The following AVL9 variants were observed in gnomAD, a reference collection of about 807,000 sequenced individuals.
AVL9 encodes the protein late secretory pathway protein AVL9 homolog.
In AVL9, 49 loss-of-function variants were observed where a neutral mutation model predicts 79.2. The observed-to-expected ratio is 0.62, with a 90% CI of 0.49 to 0.79. The LOEUF (loss-of-function observed/expected upper bound fraction) is 0.79. Among genes scored for constraint, AVL9 ranks in the 30% least tolerant of loss-of-function variants. The pLI is 0.00. For synonymous variants in AVL9, 299 were observed against 280.6 expected, an observed-to-expected ratio of 1.07 and a Z score of -0.65; for missense variants, 682 against 776.8, an observed-to-expected ratio of 0.88 and a Z score of 1.45.
At position 32,584,077 on chromosome 7, in the gene AVL9, C is replaced by T. The variant is rs1165828108; in HGVS notation, c.*170C>T. 4 of 671,176 alleles carry T rather than the reference C, an allele frequency of 6.0e-6. No individual in the cohort carries two copies. The highest frequency in any genetic ancestry group is 1.1e-5 in the Non-Finnish European group (4 of 360,762). 41.6% of individuals were successfully genotyped at this position (671,176 alleles called of 1,614,324 possible). ...TCGGGATGCCGAAATGATGAAATCA[C>T]AGCCATAGCAGGGATGGCTTTCCAG... On this transcript the variant is annotated 3_prime_UTR_variant, in exon 16 of 16. Transcript: ENST00000318709.
At chr7:32,545,253 G>A (rs1488095163) in intron 3 of AVL9, among the ~76,000 whole-genome samples, 1 of 149,080 alleles carries the variant, frequency 6.7e-6, no homozygotes, top group African/African-American at 2.5e-5. Flanking sequence ...GACTACAGGT[G>A]TGCACCACTG....
intron 3 of AVL9, among the ~76,000 whole-genome samples, chr7:32,548,144 C>CTCTCTTT (rs1227025763): frequency 1.0e-4 from 6 of 57,594 alleles, no homozygotes; most frequent in African/African-American, 3.2e-4. Flanking sequence ...TTTGTCATCT[C>CTCTCTTT]TTTTTTCTTT....
intron 1 of AVL9, among the ~76,000 whole-genome samples, chr7:32,513,417 C>T (rs1583496788): frequency 6.6e-6 from 1 of 152,238 alleles, no homozygotes; most frequent in Admixed American, 6.5e-5. Context: ...TTGGAGGCTT[C>T]ATCTGCATGA....
chr7:32,500,755 CT>C (rs1787092388), intron 1 of AVL9, among the ~76,000 whole-genome samples: 1 of 152,042 alleles, frequency 6.6e-6, no homozygotes, highest in South Asian at 2.1e-4. Flanking sequence ...TAGTTTAAGT[CT>C]TTAATCCATC....
intron 1 of AVL9, among the ~76,000 whole-genome samples, chr7:32,521,475 G>A (rs1457153894): frequency 6.6e-6 from 1 of 152,176 alleles, no homozygotes; most frequent in Non-Finnish European, 1.5e-5. Flanking sequence ...CTCTGCCCTA[G>A]ACATTTGTGG....
rs1361445528 is a variant in AVL9, at chr7:32,584,008, C to G, written c.*101C>G. 7.3e-6 allele frequency: 6 copies of G among 822,274 alleles called. No homozygotes were observed. The South Asian group carries it at 8.5e-5, about 12-fold the overall frequency. 50.9% of individuals were successfully genotyped at this position (822,274 alleles called of 1,614,324 possible). On this transcript the variant is annotated 3_prime_UTR_variant, in exon 16 of 16. Transcript: ENST00000318709. Reference sequence around the variant, plus strand: ...TAGCCACAGATCCACAGCAGGGGACCATATGTCGAACTGTTTACATGGATG... The same window carrying G: ...TAGCCACAGATCCACAGCAGGGGACGATATGTCGAACTGTTTACATGGATG...
Position 32,548,914 on chromosome 7 carries a change from A to G in AVL9, c.368A>G (p.Lys123Arg). ...TVQKSVCVLS[K>R]LPLYGLLQAK... ...CAGAAAAGTGTCTGTGTTCTAAGCA[A>G]GCTGGTAAGAGACGAAGTAACTTGT... is the stretch of plus-strand genomic sequence containing the variant. Residue 123 changes from lysine to arginine, a missense_variant, in exon 4 of 16, where the codon AAG (lysine) becomes AGG (arginine). Coordinates refer to ENST00000318709, the MANE Select transcript of AVL9 (RefSeq NM_015060.3). The G allele has an allele frequency of 6.4e-7, 1 of 1,558,810 alleles. No homozygotes were observed. The highest frequency in any genetic ancestry group is 1.9e-5 in the Admixed American group (1 of 51,674).
At chr7:32,556,099 A>T (rs1790041077) in intron 8 of AVL9, among the ~76,000 whole-genome samples, 1 of 152,238 alleles carries the variant, frequency 6.6e-6, no homozygotes, top group South Asian at 2.1e-4. Flanking sequence ...CCCATTTTAT[A>T]AATGAATATA....
At chr7:32,578,337 T>TA (rs1407231981) in intron 13 of AVL9, among the ~76,000 whole-genome samples, 1 of 152,186 alleles carries the variant, frequency 6.6e-6, no homozygotes, top group Non-Finnish European at 1.5e-5. Flanking sequence ...CAGGCTGCAT[T>TA]AATGCAGATT....
intron 9 of AVL9, 111 bp downstream of exon 9, chr7:32,558,739 A>G: frequency 9.3e-7 from 1 of 1,072,452 alleles, no homozygotes; most frequent in Non-Finnish European, 1.3e-6. Flanking sequence ...TTTCTATTTT[A>G]ATATGACGTC....
chr7:32,558,592 G>A lies in AVL9; in HGVS notation c.643G>A (p.Val215Met). The change falls in exon 9 of 16, where the codon GTG (valine) becomes ATG (methionine). Residue 215 changes from valine to methionine, a missense_variant. Physicochemically the swap from Val to Met is conservative, Grantham distance 21. Transcript: ENST00000318709. ...LFYISPVNKL[V>M]GALMTVLSLF... is the part of the protein sequence containing the mutation. ...TTATATTTCTCCAGTGAATAAATTG[G>A]TGGGTGCACTGATGACTGTGTTATC... The A allele has an allele frequency of 6.2e-7, 1 of 1,612,538 alleles. No individual in the cohort carries two copies. The highest frequency in any genetic ancestry group is 8.5e-7 in the Non-Finnish European group (1 of 1,179,560).
chr7:32,520,422 A>G (rs1043715257), intron 1 of AVL9, among the ~76,000 whole-genome samples: 1 of 152,204 alleles, frequency 6.6e-6, no homozygotes, highest in African/African-American at 2.4e-5. Flanking sequence ...CTATTGAACA[A>G]TCCCTGATGA....
intron 10 of AVL9, among the ~76,000 whole-genome samples, 179 bp from the exon 11 acceptor site, chr7:32,569,841 A>C (rs998988195): frequency 6.6e-6 from 1 of 152,370 alleles, no homozygotes; most frequent in Admixed American, 6.5e-5. Context: ...AACTGGACTT[A>C]CTGTAGTCAA....
intron 11 of AVL9, among the ~76,000 whole-genome samples, chr7:32,572,580 G>A (rs1790903860): frequency 6.6e-6 from 1 of 150,440 alleles, no homozygotes; most frequent in Non-Finnish European, 1.5e-5. Flanking sequence ...AGGTGGGCAG[G>A]TCACAAGGTC....
chr7:32,558,857 T>C (rs117179972), intron 9 of AVL9, 72 bp from the exon 10 acceptor site: 35,529 of 1,331,092 alleles, frequency 0.027, 587 homozygotes, highest in Non-Finnish European at 0.031. Context: ...TAGGGGAGTC[T>C]ACTAATATAT....
At chr7:32,520,246 G>A (rs1384617867) in intron 1 of AVL9, among the ~76,000 whole-genome samples, 2 of 152,342 alleles carry the variant, frequency 1.3e-5, no homozygotes, top group East Asian at 1.9e-4. Flanking sequence ...ACTATTAAAA[G>A]CGAAGAGTAT....
rs2128159979 is a variant in AVL9 at position 32,585,893 on chromosome 7, T to TAAAGA, written c.*1988_*1992dup. 6.6e-6 allele frequency: 1 copy of TAAAGA among 152,326 alleles called. No individual in the cohort carries two copies. The highest frequency in any genetic ancestry group is 2.1e-4 in the South Asian group (1 of 4,820). 9.4% of individuals were successfully genotyped at this position (152,326 alleles called of 1,614,324 possible). A position where few individuals can be genotyped will look rare whatever the true frequency, so the allele number is the denominator to read the frequency against. ...TTGAATCTTTTTTGCGCTGAGACTA[T>TAAAGA]AAAGAATTCATTCTAACATCTTGTT... On this transcript the variant is annotated 3_prime_UTR_variant, in exon 16 of 16. Transcript: ENST00000318709.
intron 13 of AVL9, among the ~76,000 whole-genome samples, chr7:32,578,361 C>CA (rs1005499211): frequency 6.6e-6 from 1 of 152,156 alleles, no homozygotes; most frequent in African/African-American, 2.4e-5. Flanking sequence ...TCTACAGATG[C>CA]AAATCTACCC....
chr7:32,550,021 C>T (rs1789739378), intron 4 of AVL9, among the ~76,000 whole-genome samples: 1 of 152,106 alleles, frequency 6.6e-6, no homozygotes, highest in African/African-American at 2.4e-5. Context: ...CCTGTACACA[C>T]CTTTGAGAAG....
Sources: allele counts gnomAD v4.1 joint callset (sites outside exome capture counted in the v4.1 genomes callset), GRCh38; gene constraint gnomAD v4.1.1; transcripts MANE v1.5; gene names NCBI Gene and HGNC (gene_info 2026-07-23, HGNC 2026-07-21).